The following MID1 variants were observed in gnomAD, a reference collection of about 807,000 sequenced individuals.
MID1 encodes the protein midline 1.
A neutral mutation model predicts 40.4 loss-of-function variants in MID1; 7 were observed. That is an observed-to-expected ratio of 0.17 (90% CI 0.10 to 0.33). The LOEUF is 0.33. Ranked by LOEUF, MID1 falls within the 10% of genes least tolerant of loss-of-function variation. The pLI, the probability that MID1 is intolerant of heterozygous loss-of-function variation, is 1.00. For missense variants in MID1, 367 were observed against 558.5 expected (o/e 0.66, Z 3.46); for synonymous variants, 229 against 221.2 (o/e 1.04, Z -0.31).
intron 1 of MID1, among the ~76,000 whole-genome samples, chrX:10,580,809 C>A (rs140153494): frequency 0.014 from 1,516 of 109,307 alleles, 31 homozygotes; most frequent in African/African-American, 0.047. Context: ...TCTTCTTTAC[C>A]AAAGCATTTC....
intron 4 of MID1, among the ~76,000 whole-genome samples, chrX:10,491,741 A>G (rs1930964627): frequency 8.9e-6 from 1 of 112,125 alleles, no homozygotes; most frequent in African/African-American, 3.2e-5. Flanking sequence ...ATTGTTGATA[A>G]TATCTAATGA....
chrX:10,826,427 T>C (rs1429611521), intron 1 of MID1, among the ~76,000 whole-genome samples: 3 of 112,406 alleles, frequency 2.7e-5, no homozygotes, highest in Non-Finnish European at 5.6e-5. Flanking sequence ...AAAGTAATCA[T>C]GGTTTTTGTA....
At chrX:10,698,747 AC>A (rs2043177061) in intron 1 of MID1, among the ~76,000 whole-genome samples, 2 of 107,375 alleles carry the variant, frequency 1.9e-5, no homozygotes, top group Non-Finnish European at 3.8e-5. Flanking sequence ...AAAAAAAAAA[AC>A]ACCGCAGTTT....
intron 1 of MID1, among the ~76,000 whole-genome samples, chrX:10,637,480 C>T (rs1348767199): frequency 9.1e-6 from 1 of 109,569 alleles, no homozygotes; most frequent in East Asian, 2.9e-4. Flanking sequence ...CAAAAATTAG[C>T]CAGGCATGGT....
intron 1 of MID1, among the ~76,000 whole-genome samples, chrX:10,806,955 T>C (rs2044052602): frequency 8.9e-6 from 1 of 111,993 alleles, no homozygotes; most frequent in Non-Finnish European, 1.9e-5. Flanking sequence ...AAAACATTAG[T>C]TCTGAAGGCT....
chrX:10,558,065 T>TAAA (rs368289385), intron 2 of MID1, among the ~76,000 whole-genome samples: 5,768 of 89,694 alleles, frequency 0.064, 310 homozygotes, highest in African/African-American at 0.16. Flanking sequence ...CTCTCTCTCT[T>TAAA]AAAAAAAAAA....
At chrX:10,619,496 TTTGA>T (rs1292799882) in intron 1 of MID1, among the ~76,000 whole-genome samples, 6 of 112,823 alleles carry the variant, frequency 5.3e-5, no homozygotes, top group Non-Finnish European at 9.4e-5. Context: ...CTTCCATAAC[TTTGA>T]TTGAGTTGTA....
chrX:10,671,493 T>C (rs1204666601), intron 1 of MID1, among the ~76,000 whole-genome samples: 3 of 111,795 alleles, frequency 2.7e-5, no homozygotes, highest in Non-Finnish European at 5.6e-5. Context: ...TTCCTATTAT[T>C]ATTACTGGTG....
At chrX:10,725,367 C>T (rs1216343557) in intron 1 of MID1, among the ~76,000 whole-genome samples, 2 of 111,585 alleles carry the variant, frequency 1.8e-5, no homozygotes, top group Admixed American at 1.9e-4. Context: ...AAAGAGAACA[C>T]AATAGTATTC....
intron 1 of MID1, among the ~76,000 whole-genome samples, chrX:10,611,133 T>C (rs1935729227): frequency 8.9e-6 from 1 of 112,185 alleles, no homozygotes; most frequent in African/African-American, 3.2e-5. Context: ...TTTGCCTCAT[T>C]ACATTTGTTA....
intron 2 of MID1, among the ~76,000 whole-genome samples, chrX:10,523,580 A>G (rs762398288): frequency 3.5e-4 from 39 of 112,517 alleles, no homozygotes; most frequent in African/African-American, 1.2e-3. Context: ...TGGATTTTTC[A>G]GATTTATCCT....
intron 1 of MID1, among the ~76,000 whole-genome samples, chrX:10,701,458 C>T (rs1388290322): frequency 8.9e-6 from 1 of 111,952 alleles, no homozygotes; most frequent in Non-Finnish European, 1.9e-5. Context: ...TTCCCAAATA[C>T]ACAATGATGC....
intron 6 of MID1, among the ~76,000 whole-genome samples, chrX:10,470,725 T>G (rs1929660283): frequency 8.9e-6 from 1 of 112,317 alleles, no homozygotes; most frequent in African/African-American, 3.2e-5. Flanking sequence ...TTTATTTCTT[T>G]AACACATTCT....
chrX:10,677,407 T>A (rs1043725755), intron 1 of MID1: 3 of 112,307 alleles, frequency 2.7e-5, no homozygotes, highest in Admixed American at 9.4e-5. Flanking sequence ...ATTCCAGATA[T>A]GCTATAATCA....
chrX:10,740,802 C>A (rs1356437326), intron 1 of MID1, among the ~76,000 whole-genome samples: 1 of 109,924 alleles, frequency 9.1e-6, no homozygotes, highest in Non-Finnish European at 1.9e-5. Flanking sequence ...TGTTAACTTG[C>A]ACATTAGTCT....
chrX:10,812,453 G>A (rs2044108948), intron 1 of MID1, among the ~76,000 whole-genome samples: 1 of 111,336 alleles, frequency 9.0e-6, no homozygotes, highest in South Asian at 3.8e-4. Flanking sequence ...TCAACCTGAT[G>A]AAAAAAGTAT....
At chrX:10,544,159 G>A (rs1293113849) in intron 2 of MID1, among the ~76,000 whole-genome samples, 6 of 111,401 alleles carry the variant, frequency 5.4e-5, no homozygotes, top group African/African-American at 1.6e-4. Flanking sequence ...TTTATGTCTT[G>A]CTTCTTATGG....
chrX:10,482,048 C>A (rs1248570273), intron 5 of MID1, among the ~76,000 whole-genome samples: 1 of 111,355 alleles, frequency 9.0e-6, no homozygotes, highest in Admixed American at 9.5e-5. Context: ...GAGAACAACA[C>A]CTGTGTGATT....
intron 1 of MID1, among the ~76,000 whole-genome samples, chrX:10,736,135 C>T (rs1221864503): frequency 2.7e-5 from 3 of 111,785 alleles, no homozygotes; most frequent in Admixed American, 9.5e-5. Flanking sequence ...CCTGCCACCA[C>T]GCCCGGCTAA....
Sources: gnomAD v4.1 joint callset for allele counts (sites outside exome capture counted in the v4.1 genomes callset) on GRCh38, gnomAD v4.1.1 for gene constraint, MANE v1.5 for transcripts, NCBI Gene and HGNC (gene_info 2026-07-23, HGNC 2026-07-21) for gene names.